Variants in SLC37A1 observed in about 807,000 individuals in gnomAD.
SLC37A1 encodes the protein solute carrier family 37 member 1.
A neutral mutation model predicts 75.3 loss-of-function variants in SLC37A1; 49 were observed. The observed-to-expected ratio is 0.65, with a 90% CI of 0.52 to 0.83. The LOEUF is 0.83. Among genes scored for constraint, SLC37A1 ranks in the 40% least tolerant of loss-of-function variants. SLC37A1 has a pLI of 0.00. For missense variants in SLC37A1, 566 were observed against 695.0 expected (o/e 0.81, Z 2.09); for synonymous variants, 268 against 292.1 (o/e 0.92, Z 0.84).
chr21:42,539,590 G>A lies in SLC37A1; in HGVS notation c.429G>A (p.Leu143=). The A allele has an allele frequency of 2.5e-6, 4 of 1,613,976 alleles. No homozygotes were observed. The highest frequency in any genetic ancestry group is 3.4e-6 in the Non-Finnish European group (4 of 1,179,950). Residue 143 remains leucine, a synonymous_variant, in exon 6 of 20, where the codon CTG becomes CTA. Coordinates refer to ENST00000352133, the MANE Select transcript of SLC37A1 (RefSeq NM_001320537.2). ...GMLASGAFTA[L]FGLGYFYNIH... ...TCGCCAGCGGAGCCTTCACCGCCCT[G>A]TTCGGCTTAGGGTATTTCTACAACA...
At chr21:42,501,690 C>T (rs536579225) in intron 1 of SLC37A1, among the ~76,000 whole-genome samples, 22 of 152,240 alleles carry the variant, frequency 1.4e-4, no homozygotes, top group Admixed American at 4.6e-4. Context: ...CTGGCCTGGG[C>T]GACAAGAGAC....
chr21:42,559,141 T>C (rs779412602), intron 11 of SLC37A1, 52 bp downstream of exon 11: 1 of 1,576,792 alleles, frequency 6.3e-7, no homozygotes, highest in Admixed American at 2.0e-5. Flanking sequence ...GTGCTGGCTG[T>C]GGGAAGTCTG....
chr21:42,518,584 G>A (rs568785209), intron 2 of SLC37A1, 74 bp downstream of exon 2: 12 of 1,526,004 alleles, frequency 7.9e-6, no homozygotes, highest in African/African-American at 1.4e-5. Flanking sequence ...TAGTTGTGTT[G>A]CCCCAGTTTC....
intron 9 of SLC37A1, among the ~76,000 whole-genome samples, chr21:42,553,667 GT>G (rs57244964): frequency 0.055 from 8,104 of 146,406 alleles, 713 homozygotes; most frequent in African/African-American, 0.19. Flanking sequence ...CCTAGAGACG[GT>G]TTTTTTTTTT....
At chr21:42,505,763 A>G (rs2054379085) in intron 2 of SLC37A1, among the ~76,000 whole-genome samples, 1 of 152,230 alleles carries the variant, frequency 6.6e-6, no homozygotes, top group South Asian at 2.1e-4. Flanking sequence ...TTTGTTTTCT[A>G]AAAGTTAAAA....
At chr21:42,501,221 T>C (rs2054338086) in intron 1 of SLC37A1, among the ~76,000 whole-genome samples, 1 of 152,210 alleles carries the variant, frequency 6.6e-6, no homozygotes, top group Non-Finnish European at 1.5e-5. Context: ...AAGAGAAAAA[T>C]TGACGTGAAA....
chr21:42,521,771 TA>T (rs1443287091), intron 2 of SLC37A1, among the ~76,000 whole-genome samples: 5 of 112,362 alleles, frequency 4.4e-5, no homozygotes, highest in Admixed American at 2.3e-4. Context: ...TTAGATCATT[TA>T]TTTTTTTATT....
Position 42,548,928 on chromosome 21 carries a change from A to G in SLC37A1, c.768+1788A>G. On this transcript the variant is annotated intron_variant, in intron 9 of 19. Coordinates refer to ENST00000352133, the MANE Select transcript of SLC37A1 (RefSeq NM_001320537.2). The surrounding 1 kb of genome is among the most constrained non-coding windows in gnomAD (Gnocchi z 5.6). ...TACCTCGGGCTCCTGGGTGTGATTC[A>G]TATGGAAAGAAGGGTTCTGATACTT... Among the ~76,000 whole-genome samples the G allele has an allele frequency of 6.6e-6, 1 of 152,178 alleles. No homozygotes were observed. Among genetic ancestry groups the G allele is most frequent in the East Asian group, 1.9e-4 (1 of 5,206 alleles).
At chr21:42,517,786 C>G (rs562717583) in intron 1 of SLC37A1, among the ~76,000 whole-genome samples, 1 of 152,336 alleles carries the variant, frequency 6.6e-6, no homozygotes, top group East Asian at 1.9e-4. Flanking sequence ...CCTTTGGATT[C>G]AAATGGCAAA....
At chr21:42,544,717 A>G (rs187140977) in intron 8 of SLC37A1, among the ~76,000 whole-genome samples, 30 of 152,338 alleles carry the variant, frequency 2.0e-4, no homozygotes, top group Admixed American at 1.8e-3. Flanking sequence ...CCAGTGGGCC[A>G]GCATGTGGCT....
intron 2 of SLC37A1, among the ~76,000 whole-genome samples, chr21:42,524,128 G>A (rs1043649661): frequency 1.3e-5 from 2 of 152,090 alleles, no homozygotes; most frequent in Non-Finnish European, 2.9e-5. Flanking sequence ...GCCGCCTTAG[G>A]TAATTATTGA....
At chr21:42,570,152 AG>A (rs2056108096) in intron 17 of SLC37A1, among the ~76,000 whole-genome samples, 1 of 104,234 alleles carries the variant, frequency 9.6e-6, no homozygotes, top group African/African-American at 3.1e-5. Context: ...CCTGGTTCTG[AG>A]AAGCGGCGGG....
intron 19 of SLC37A1, among the ~76,000 whole-genome samples, chr21:42,580,005 T>G (rs545249914): frequency 6.6e-6 from 1 of 152,102 alleles, no homozygotes; most frequent in African/African-American, 2.4e-5. Flanking sequence ...AAACCCTGAG[T>G]GGAAAATGTG....
chr21:42,567,374 A>G (rs574603028), intron 16 of SLC37A1, among the ~76,000 whole-genome samples: 2 of 152,276 alleles, frequency 1.3e-5, no homozygotes, highest in East Asian at 3.9e-4. Flanking sequence ...CTGCAGAGAG[A>G]GAGGGGCCAC....
chr21:42,500,188 C>G (rs1046223696), intron 1 of SLC37A1, among the ~76,000 whole-genome samples: 22 of 152,150 alleles, frequency 1.4e-4, no homozygotes. Context: ...AACTATAGAA[C>G]TATGAGGTTG....
chr21:42,521,327 A>G (rs538912326), intron 2 of SLC37A1, among the ~76,000 whole-genome samples: 1 of 152,352 alleles, frequency 6.6e-6, no homozygotes, highest in East Asian at 1.9e-4. Context: ...CTCAGAAAAC[A>G]TAGACAGAAT....
rs150756941 is a variant in SLC37A1, at chr21:42,525,471, G to C, written c.57-305G>C. ...CCAGTGTCAGCTGGAGAATTGCTTG[G>C]TATATGGGGAAAACCCCTACACACG... On this transcript the variant is annotated intron_variant, in intron 2 of 19. Transcript: ENST00000352133. Among the ~76,000 whole-genome samples the C allele has an allele frequency of 2.0e-4, 31 of 152,350 alleles. No individual in the cohort carries two copies. The East Asian group carries it at 6.0e-3, about 29-fold the overall frequency.
intron 9 of SLC37A1, among the ~76,000 whole-genome samples, chr21:42,553,666 G>A (rs1470940385): frequency 6.7e-6 from 1 of 148,726 alleles, no homozygotes; most frequent in Non-Finnish European, 1.5e-5. Context: ...CCCTAGAGAC[G>A]GTTTTTTTTT....
In SLC37A1 at chr21:42,558,972, G is replaced by A. The variant is rs746055577; in HGVS notation, c.864G>A (p.Gln288=). ...TTTGCCTCCAGGACCCAGAGATGCA[G>A]TGCCTGCTGCTCTCAGATGGGAAGG... The part of the protein sequence containing the change: ...EKNKPLDPEM[Q]CLLLSDGKGS... Residue 288 remains glutamine (Q), a synonymous_variant, in exon 11 of 20, where the codon CAG becomes CAA. Transcript: ENST00000352133. 4.3e-6 allele frequency: 7 copies of A among 1,613,786 alleles called. No individual in the cohort carries two copies. In the South Asian group the frequency reaches 7.7e-5, roughly 18 times the overall value.
Sources: allele counts gnomAD v4.1 joint callset (sites outside exome capture counted in the v4.1 genomes callset), GRCh38; gene constraint gnomAD v4.1.1; non-coding constraint Gnocchi (gnomAD v3.1); transcripts MANE v1.5; gene names NCBI Gene and HGNC (gene_info 2026-07-23, HGNC 2026-07-21).